ATRNL1: variants seen among roughly 807,000 people sequenced by gnomAD.
ATRNL1 encodes attractin like 1, also known as attractin-like protein 1.
ATRNL1 carries 95 observed loss-of-function variants against 182.7 expected under a neutral mutation model. The ratio of observed to expected loss-of-function variants is 0.52; its 90% CI spans 0.44 to 0.62. The LOEUF (loss-of-function observed/expected upper bound fraction) is 0.62, where lower values mean the gene tolerates loss of function less well. Among genes scored for constraint, ATRNL1 ranks in the 20% least tolerant of loss-of-function variants. ATRNL1 has a pLI of 0.00. For missense variants in ATRNL1, 1,471 were observed against 1,679.5 expected, an observed-to-expected ratio of 0.88 and a Z score of 2.17; for synonymous variants, 576 against 568.3, an observed-to-expected ratio of 1.01 and a Z score of -0.19.
At chr10:115,550,826 C>A (rs2804176) in intron 26 of ATRNL1, among the ~76,000 whole-genome samples, 107,269 of 151,504 alleles carry the variant, frequency 0.71, 39,154 homozygotes, top group African/African-American at 0.81. Context: ...CCTTCCTTCC[C>A]TAATGGAATA....
chr10:115,335,999 A>T (rs1214198383), intron 19 of ATRNL1, among the ~76,000 whole-genome samples: 3 of 152,142 alleles, frequency 2.0e-5, no homozygotes, highest in African/African-American at 7.2e-5. Flanking sequence ...TCTAATACAG[A>T]TGCATTGGCC....
Position 115,855,365 on chromosome 10 carries a change from A to T in ATRNL1, c.4018+7374A>T, listed in dbSNP as rs563403830. 3.3e-5 allele frequency among the ~76,000 whole-genome samples: 5 copies of T among 152,198 alleles called. No individual in the cohort carries two copies. The South Asian group carries it at 1.0e-3, about 32-fold the overall frequency. ...TTTCAGTCCCTTCCATACAAATGTG[A>T]CCTCACTGTCTTGAAATCCCACACC... On this transcript the variant is annotated intron_variant, in intron 28 of 28. Transcript: ENST00000355044.
At chr10:115,377,156 C>G (rs1388537474) in intron 19 of ATRNL1, among the ~76,000 whole-genome samples, 1 of 152,056 alleles carries the variant, frequency 6.6e-6, no homozygotes, top group Non-Finnish European at 1.5e-5. Flanking sequence ...GGCTGTGTCC[C>G]TACCCAAATC....
At chr10:115,408,955 C>T (rs1844999122) in intron 20 of ATRNL1, among the ~76,000 whole-genome samples, 2 of 152,052 alleles carry the variant, frequency 1.3e-5, no homozygotes, top group South Asian at 2.1e-4. Context: ...CAGTACCTGT[C>T]ATTTTGGTTA....
intron 26 of ATRNL1, among the ~76,000 whole-genome samples, chr10:115,557,617 G>C (rs2133827488): frequency 6.6e-6 from 1 of 152,134 alleles, no homozygotes; most frequent in East Asian, 1.9e-4. Flanking sequence ...AATTTTAGTG[G>C]ACTGATGGAT....
chr10:115,186,823 A>G (rs1004175152), intron 8 of ATRNL1, among the ~76,000 whole-genome samples: 2 of 152,142 alleles, frequency 1.3e-5, no homozygotes, highest in Non-Finnish European at 2.9e-5. Flanking sequence ...TTTTAAAATA[A>G]TACAGTAGAA....
At chr10:115,776,333 C>T (rs1332567816) in intron 27 of ATRNL1, among the ~76,000 whole-genome samples, 2 of 152,228 alleles carry the variant, frequency 1.3e-5, no homozygotes, top group Non-Finnish European at 1.5e-5. Flanking sequence ...ATTTGGCCTC[C>T]CTAGAAGAAT....
At chr10:115,278,131 T>C (rs182373384) in intron 13 of ATRNL1, among the ~76,000 whole-genome samples, 27 of 152,372 alleles carry the variant, frequency 1.8e-4, no homozygotes, top group Non-Finnish European at 2.8e-4. Context: ...AACCATTTTA[T>C]GTCATCATTA....
chr10:115,212,455 A>G (rs921987398), intron 8 of ATRNL1, among the ~76,000 whole-genome samples: 5 of 152,022 alleles, frequency 3.3e-5, no homozygotes, highest in Non-Finnish European at 7.4e-5. Context: ...TCAAAGACCT[A>G]AAGATGGAAA....
At chr10:115,897,716 C>T (rs368044048) in intron 28 of ATRNL1, among the ~76,000 whole-genome samples, 5 of 152,180 alleles carry the variant, frequency 3.3e-5, no homozygotes, top group African/African-American at 1.2e-4. Flanking sequence ...AGTTGAAAAT[C>T]GAAATTTGAG....
At chr10:115,550,586 T>C (rs1852919815) in intron 26 of ATRNL1, among the ~76,000 whole-genome samples, 1 of 151,860 alleles carries the variant, frequency 6.6e-6, no homozygotes, top group African/African-American at 2.4e-5. Context: ...CCTCTCTGAT[T>C]TTCTGTTTAT....
intron 17 of ATRNL1, among the ~76,000 whole-genome samples, chr10:115,308,344 A>C (rs2133995031): frequency 6.6e-6 from 1 of 152,242 alleles, no homozygotes; most frequent in African/African-American, 2.4e-5. Context: ...AAAATAGGAG[A>C]TTTAGTCCCA....
intron 5 of ATRNL1, among the ~76,000 whole-genome samples, chr10:115,156,466 T>G (rs1554882107): frequency 6.6e-6 from 1 of 152,150 alleles, no homozygotes; most frequent in Non-Finnish European, 1.5e-5. Context: ...AGTAGTAGTT[T>G]GAATTCATGA....
At chr10:115,864,848 G>C (rs1425687641) in intron 28 of ATRNL1, among the ~76,000 whole-genome samples, 3 of 152,122 alleles carry the variant, frequency 2.0e-5, no homozygotes, top group African/African-American at 7.2e-5. Context: ...CAGGCGTGGT[G>C]GCAGGTGCCT....
At chr10:115,536,399 G>C (rs368371945) in intron 25 of ATRNL1, among the ~76,000 whole-genome samples, 1 of 152,198 alleles carries the variant, frequency 6.6e-6, no homozygotes, top group Non-Finnish European at 1.5e-5. Context: ...CTCCGTGGGC[G>C]TAGGACCCTC....
At chr10:115,157,086 GCTAGAATAT>G (rs1554882292) in intron 5 of ATRNL1, among the ~76,000 whole-genome samples, 1 of 152,060 alleles carries the variant, frequency 6.6e-6, no homozygotes, top group Non-Finnish European at 1.5e-5. Flanking sequence ...ATATTTCATA[GCTAGAATAT>G]TTGGAATGTT....
chr10:115,152,910 A>G (rs1393905017), intron 5 of ATRNL1, among the ~76,000 whole-genome samples: 3 of 151,336 alleles, frequency 2.0e-5, no homozygotes, highest in Non-Finnish European at 4.4e-5. Flanking sequence ...ATTTATTGAG[A>G]TTTTTTTTAG....
At chr10:115,916,473 T>C (rs2134544388) in intron 28 of ATRNL1, among the ~76,000 whole-genome samples, 1 of 152,286 alleles carries the variant, frequency 6.6e-6, no homozygotes, top group South Asian at 2.1e-4. Flanking sequence ...TGGCTGTAAA[T>C]ACAACGCTTA....
chr10:115,732,580 T>C (rs562101335), intron 27 of ATRNL1, among the ~76,000 whole-genome samples: 2 of 152,174 alleles, frequency 1.3e-5, no homozygotes, highest in Admixed American at 1.3e-4. Context: ...TCCTATAAAA[T>C]AAGCAGAACA....
Sources: gnomAD v4.1 joint callset for allele counts (sites outside exome capture counted in the v4.1 genomes callset) on GRCh38, gnomAD v4.1.1 for gene constraint, MANE v1.5 for transcripts, NCBI Gene and HGNC (gene_info 2026-07-23, HGNC 2026-07-21) for gene names.